AMN1: variants seen among roughly 807,000 people sequenced by gnomAD.
AMN1 encodes protein AMN1 homolog.
Under a neutral mutation model 33.0 loss-of-function variants are expected in AMN1, and 20 were observed. The ratio of observed to expected loss-of-function variants is 0.61; its 90% CI spans 0.43 to 0.88. AMN1 has a LOEUF of 0.88. AMN1 is among the 40% of genes least tolerant of loss of function. The probability of loss-of-function intolerance (pLI) is 0.00; values close to 1 mark genes in which losing one functional copy is unlikely to be tolerated. For synonymous variants in AMN1, 114 were observed against 111.9 expected (o/e 1.02, Z -0.12); for missense variants, 246 against 307.4 (o/e 0.80, Z 1.49).
intron 5 of AMN1, among the ~76,000 whole-genome samples, chr12:31,695,085 T>C (rs980577114): frequency 1.3e-5 from 2 of 152,136 alleles, no homozygotes; most frequent in Admixed American, 6.5e-5. Context: ...ACTGAAAAAA[T>C]AAAAAATGTA....
chr12:31,716,203 T>C (rs1377187903), intron 1 of AMN1, among the ~76,000 whole-genome samples: 1 of 152,242 alleles, frequency 6.6e-6, no homozygotes, highest in African/African-American at 2.4e-5. Context: ...TTTCACGTTG[T>C]TCATGTCCAT....
At position 31,717,010 on chromosome 12, in the gene AMN1, A is replaced by AT. The variant is rs531277373; in HGVS notation, c.39-7586dup. Among the ~76,000 whole-genome samples, 73 of 148,136 alleles carry AT rather than the reference A, an allele frequency of 4.9e-4. 2 individuals are homozygous for AT. The highest frequency in any genetic ancestry group is 2.2e-3 in the East Asian group (11 of 5,104). ...TTGACTTACAAACCACCAGGAACTG[A>AT]TTTTTTTTTTTACATTTTTATTTAA... On this transcript the variant is annotated intron_variant, in intron 1 of 6. Transcript: ENST00000281471.
At chr12:31,684,247 A>G (rs1261295120) in intron 6 of AMN1, among the ~76,000 whole-genome samples, 2 of 152,208 alleles carry the variant, frequency 1.3e-5, no homozygotes, top group Non-Finnish European at 1.5e-5. Flanking sequence ...CAAGTTCCAC[A>G]TTGCAACAAC....
At chr12:31,716,828 A>G (rs1939694883) in intron 1 of AMN1, among the ~76,000 whole-genome samples, 1 of 152,156 alleles carries the variant, frequency 6.6e-6, no homozygotes, top group African/African-American at 2.4e-5. Context: ...GCTGAAGAGA[A>G]GTACATTCTA....
intron 2 of AMN1, among the ~76,000 whole-genome samples, chr12:31,706,834 G>T (rs977693648): frequency 6.6e-6 from 1 of 152,060 alleles, no homozygotes; most frequent in Non-Finnish European, 1.5e-5. Context: ...CACTACCAGA[G>T]AGTATACAGA....
At chr12:31,688,310 G>T (rs1469122330) in intron 6 of AMN1, among the ~76,000 whole-genome samples, 1 of 152,246 alleles carries the variant, frequency 6.6e-6, no homozygotes, top group South Asian at 2.1e-4. Context: ...TAGTGTATTT[G>T]ATAGATGTAA....
At chr12:31,726,209 T>C (rs929203187) in intron 1 of AMN1, among the ~76,000 whole-genome samples, 62 of 150,262 alleles carry the variant, frequency 4.1e-4, no homozygotes, top group Non-Finnish European at 7.7e-4. Flanking sequence ...TTGCCCAAAC[T>C]GGAGTGCAAT....
At chr12:31,689,454 G>T (rs1328913748) in intron 5 of AMN1, among the ~76,000 whole-genome samples, 1 of 152,168 alleles carries the variant, frequency 6.6e-6, no homozygotes, top group Admixed American at 6.5e-5. Context: ...AGTATTACTT[G>T]TAATAGTAAA....
intron 2 of AMN1, among the ~76,000 whole-genome samples, chr12:31,704,328 G>A (rs1302729277): frequency 6.6e-6 from 1 of 152,014 alleles, no homozygotes; most frequent in Non-Finnish European, 1.5e-5. Context: ...ATATGTTATT[G>A]GAGATTTGTA....
chr12:31,708,223 T>C (rs529640410), intron 2 of AMN1, among the ~76,000 whole-genome samples: 1 of 152,310 alleles, frequency 6.6e-6, no homozygotes, highest in East Asian at 1.9e-4. Flanking sequence ...TATTGCTAAA[T>C]TCTTTTCCTA....
At chr12:31,684,533 C>T (rs972054767) in intron 6 of AMN1, among the ~76,000 whole-genome samples, 9 of 148,274 alleles carry the variant, frequency 6.1e-5, no homozygotes, top group South Asian at 2.1e-4. Context: ...TGCCGTTGTG[C>T]GATCTTGGCT....
At chr12:31,703,089 C>A (rs1444761707) in intron 2 of AMN1, among the ~76,000 whole-genome samples, 4 of 152,148 alleles carry the variant, frequency 2.6e-5, no homozygotes, top group Non-Finnish European at 5.9e-5. Flanking sequence ...GCCCACCACC[C>A]CACTGCCCGC....
chr12:31,714,866 C>A (rs1939609229), intron 1 of AMN1: 3 of 966,796 alleles, frequency 3.1e-6, no homozygotes, highest in Non-Finnish European at 3.7e-6. Context: ...CTAGGAGGAT[C>A]TTTTTAACTT....
At chr12:31,719,940 G>A (rs1181689277) in intron 1 of AMN1, among the ~76,000 whole-genome samples, 1 of 152,106 alleles carries the variant, frequency 6.6e-6, no homozygotes, top group Non-Finnish European at 1.5e-5. Context: ...GTTGCATGCG[G>A]CCACAGTTCA....
chr12:31,672,830 G>A, intron 6 of AMN1: 1 of 159,974 alleles, frequency 6.3e-6, no homozygotes, highest in Admixed American at 6.1e-5. Flanking sequence ...AAACCACCTT[G>A]GGAAGCTGCA....
intron 5 of AMN1, among the ~76,000 whole-genome samples, chr12:31,695,217 T>C (rs1043255478): frequency 2.0e-5 from 3 of 152,194 alleles, no homozygotes; most frequent in African/African-American, 7.2e-5. Context: ...CTATCATGCA[T>C]AACAACTAAT....
intron 6 of AMN1, among the ~76,000 whole-genome samples, chr12:31,684,856 G>A (rs962506169): frequency 6.6e-6 from 1 of 152,064 alleles, no homozygotes; most frequent in Non-Finnish European, 1.5e-5. Context: ...TTCAATTACT[G>A]AAACCTACAA....
chr12:31,719,969 TTATAA>T (rs1481796269), intron 1 of AMN1, among the ~76,000 whole-genome samples: 1 of 152,240 alleles, frequency 6.6e-6, no homozygotes, highest in Non-Finnish European at 1.5e-5. Flanking sequence ...TCAATATATG[TTATAA>T]TATATAGATG....
chr12:31,676,008 C>G lies in AMN1; in HGVS notation c.704-3631G>C, dbSNP rs189097899. On this transcript the variant is annotated intron_variant, in intron 6 of 6. Coordinates refer to ENST00000281471, the MANE Select transcript of AMN1 (RefSeq NM_001113402.2). ...TAGAATAAATGAGTTCAGCAAGGTACAAGAACAATATATAAAAATCAAATG... is the reference window on the plus strand; with the variant it reads ...TAGAATAAATGAGTTCAGCAAGGTAGAAGAACAATATATAAAAATCAAATG... Among the ~76,000 whole-genome samples, 16 of 151,852 alleles carry G rather than the reference C, an allele frequency of 1.1e-4. No homozygotes were observed. In the East Asian group the frequency reaches 3.1e-3, roughly 29 times the overall value.
Sources: allele counts gnomAD v4.1 joint callset (sites outside exome capture counted in the v4.1 genomes callset), GRCh38; gene constraint gnomAD v4.1.1; transcripts MANE v1.5; gene names NCBI Gene and HGNC (gene_info 2026-07-23, HGNC 2026-07-21).